NEDD9: variants seen among roughly 807,000 people sequenced by gnomAD.
NEDD9 encodes neural precursor cell expressed, developmentally down-regulated 9, also known as enhancer of filamentation 1.
In NEDD9, 26 loss-of-function variants were observed where a neutral mutation model predicts 76.6. The ratio of observed to expected loss-of-function variants is 0.34; its 90% confidence interval spans 0.25 to 0.47. The LOEUF (loss-of-function observed/expected upper bound fraction) is 0.47, where lower values mean the gene tolerates loss of function less well. Among genes scored for constraint, NEDD9 ranks in the 20% least tolerant of loss-of-function variants. NEDD9 has a pLI of 1.00. For missense variants in NEDD9, 937 were observed against 1,058.5 expected, an observed-to-expected ratio of 0.89 and a Z score of 1.59; for synonymous variants, 392 against 414.2, an observed-to-expected ratio of 0.95 and a Z score of 0.65.
intron 3 of NEDD9, chr6:11,305,809 T>G: frequency 1.5e-6 from 1 of 664,930 alleles, no homozygotes; most frequent in Non-Finnish European, 2.7e-6. Context: ...AGTGCATCCA[T>G]GTAAAAAATT....
intron 2 of NEDD9, among the ~76,000 whole-genome samples, chr6:11,320,369 C>A (rs928543936): frequency 1.2e-4 from 19 of 152,128 alleles, no homozygotes; most frequent in Non-Finnish European, 2.2e-4. Context: ...TACTCTCTCG[C>A]CTTTTTCTTA....
At chr6:11,356,979 T>C (rs978142221) in intron 1 of NEDD9, among the ~76,000 whole-genome samples, 2 of 152,150 alleles carry the variant, frequency 1.3e-5, no homozygotes, top group Non-Finnish European at 2.9e-5. Flanking sequence ...GAGACTGTGC[T>C]GAATACAATG....
chr6:11,292,976 G>T (rs969736642), intron 3 of NEDD9, among the ~76,000 whole-genome samples: 3 of 152,194 alleles, frequency 2.0e-5, no homozygotes, highest in African/African-American at 4.8e-5. Context: ...CCATGAACTA[G>T]ATTCATTAAG....
chr6:11,379,371 T>G (rs1763023802), intron 1 of NEDD9, among the ~76,000 whole-genome samples: 1 of 152,158 alleles, frequency 6.6e-6, no homozygotes, highest in Non-Finnish European at 1.5e-5. Context: ...GCGGGTCACC[T>G]GAGGTCAGGA....
rs143340458 is a variant in NEDD9 at position 11,244,527 on chromosome 6, C to T, written c.13-30800G>A. Among the ~76,000 whole-genome samples, 131 of 152,274 alleles carry T rather than the reference C, an allele frequency of 8.6e-4. 1 individual carries two copies. The highest frequency in any genetic ancestry group is 3.0e-3 in the African/African-American group (124 of 41,548). On this transcript the variant is annotated intron_variant, in intron 3 of 3. Transcript: ENST00000397378. ...AAATATCAATATTTAAGACATAAAT[C>T]GCCTCCTTTTCATTCATCCACAAAG...
intron 1 of NEDD9, among the ~76,000 whole-genome samples, chr6:11,345,536 GC>G (rs1215507905): frequency 1.3e-5 from 2 of 152,160 alleles, no homozygotes; most frequent in Non-Finnish European, 2.9e-5. Flanking sequence ...TATATGTGGA[GC>G]CAGGATCTCC....
intron 3 of NEDD9, among the ~76,000 whole-genome samples, chr6:11,247,133 T>A (rs144167804): frequency 6.6e-6 from 1 of 152,326 alleles, no homozygotes; most frequent in Non-Finnish European, 1.5e-5. Flanking sequence ...AAAGAGAGCA[T>A]CATGATCTCT....
chr6:11,201,507 A>C (rs1758454711), intron 2 of NEDD9, among the ~76,000 whole-genome samples: 1 of 152,234 alleles, frequency 6.6e-6, no homozygotes, highest in Non-Finnish European at 1.5e-5. Context: ...AAAGCAGTAA[A>C]AAAACGAAGC....
chr6:11,277,739 A>C (rs75529318), intron 3 of NEDD9, among the ~76,000 whole-genome samples: 10 of 152,110 alleles, frequency 6.6e-5, no homozygotes, highest in African/African-American at 2.4e-4. Context: ...GCATGTGGGA[A>C]CTTGAGGGGC....
chr6:11,302,609 A>T (rs1761079051), intron 3 of NEDD9, among the ~76,000 whole-genome samples: 1 of 152,210 alleles, frequency 6.6e-6, no homozygotes, highest in Admixed American at 6.5e-5. Flanking sequence ...TGATGCAAAA[A>T]TCCTCAATAA....
At chr6:11,222,964 C>G (rs1340854488) in intron 1 of NEDD9, among the ~76,000 whole-genome samples, 3 of 152,172 alleles carry the variant, frequency 2.0e-5, no homozygotes, top group Non-Finnish European at 4.4e-5. Flanking sequence ...GATTTTTGTC[C>G]CCTCTGGGTA....
At chr6:11,228,508 C>T (rs148264005) in intron 1 of NEDD9, among the ~76,000 whole-genome samples, 3 of 151,754 alleles carry the variant, frequency 2.0e-5, no homozygotes, top group East Asian at 1.9e-4. Flanking sequence ...CCAGCCTGGG[C>T]GACAGAGTGA....
intron 3 of NEDD9, chr6:11,249,135 T>C (rs1335033658): frequency 2.2e-6 from 1 of 456,038 alleles, no homozygotes; most frequent in South Asian, 1.5e-5. Flanking sequence ...GGGAGGAGAC[T>C]TACATTTAAA....
intron 1 of NEDD9, among the ~76,000 whole-genome samples, chr6:11,341,333 T>A (rs1199540761): frequency 6.6e-6 from 1 of 152,160 alleles, no homozygotes; most frequent in Non-Finnish European, 1.5e-5. Flanking sequence ...AGCACAGGAC[T>A]CTTGCTGGGC....
upstream of NEDD9, chr6:11,232,800 T>C (rs904505078): frequency 9.2e-5 from 94 of 1,018,478 alleles, 1 homozygote; most frequent in Admixed American, 3.1e-3. Context: ...AAAGAACTTG[T>C]AATGTGATCG....
chr6:11,185,610 T>C lies in NEDD9; in HGVS notation c.2057A>G (p.Lys686Arg). The change falls in exon 7 of 7, where the codon AAG becomes AGG. Residue 686 changes from lysine (K) to arginine (R), a missense_variant. Transcript: ENST00000379446. The stretch of plus-strand genomic sequence containing the variant: ...GGGTAGGCTCTGAGAGGGCTTCCAC[T>C]TCGAGATGTCATTCTCCACGGGCTT... ...ITKPVENDIS[K>R]WKPSQSLPTT... The C allele has an allele frequency of 3.1e-6, 5 of 1,614,198 alleles. No homozygotes were observed. Among genetic ancestry groups the C allele is most frequent in the Non-Finnish European group, 4.2e-6 (5 of 1,180,034 alleles).
chr6:11,225,595 G>A (rs532784290), intron 1 of NEDD9, among the ~76,000 whole-genome samples: 8 of 152,168 alleles, frequency 5.3e-5, no homozygotes, highest in South Asian at 2.1e-4. Flanking sequence ...TCCGCCTCCC[G>A]GGTTCAAGCC....
chr6:11,278,571 C>T (rs111511176), intron 3 of NEDD9, among the ~76,000 whole-genome samples: 1,559 of 152,196 alleles, frequency 0.01, 27 homozygotes, highest in African/African-American at 0.035. Context: ...AAAATACATG[C>T]CAAAGGTTTA....
intron 3 of NEDD9, chr6:11,271,868 G>A (rs1402393646): frequency 6.6e-6 from 1 of 152,160 alleles, no homozygotes; most frequent in African/African-American, 2.4e-5. Flanking sequence ...CACGCACATA[G>A]CTGAAGTATG....
Sources: gnomAD v4.1 joint callset for allele counts (sites outside exome capture counted in the v4.1 genomes callset) on GRCh38, gnomAD v4.1.1 for gene constraint, MANE v1.5 for transcripts, NCBI Gene and HGNC (gene_info 2026-07-23, HGNC 2026-07-21) for gene names.